The following SUPT3H variants were observed in gnomAD, a reference collection of about 807,000 sequenced individuals.
SUPT3H encodes the protein transcription initiation protein SPT3 homolog.
In SUPT3H, 44 loss-of-function variants were observed where a neutral mutation model predicts 44.3. That is an observed-to-expected ratio of 0.99 (90% CI 0.78 to 1.28). The LOEUF (loss-of-function observed/expected upper bound fraction) is 1.28. Among genes scored for constraint, SUPT3H ranks in the 50% most tolerant of loss-of-function variants. SUPT3H has a pLI of 0.00. For synonymous variants in SUPT3H, 124 were observed against 125.6 expected (o/e 0.99, Z 0.09); for missense variants, 380 against 387.1 (o/e 0.98, Z 0.15).
chr6:45,017,028 T>C (rs1256911454), intron 4 of SUPT3H, among the ~76,000 whole-genome samples: 10 of 151,316 alleles, frequency 6.6e-5, no homozygotes, highest in African/African-American at 7.3e-5. Flanking sequence ...TTTTTAATGA[T>C]TGCCATTCTA....
chr6:45,286,180 G>T (rs1439526851), intron 2 of SUPT3H, among the ~76,000 whole-genome samples: 1 of 150,826 alleles, frequency 6.6e-6, no homozygotes, highest in Non-Finnish European at 1.5e-5. Context: ...CAGGACATAG[G>T]CATGGGCCAG....
chr6:45,189,288 A>G (rs1562650504), intron 2 of SUPT3H, among the ~76,000 whole-genome samples: 1 of 152,200 alleles, frequency 6.6e-6, no homozygotes. Flanking sequence ...TCTCCTTACC[A>G]TGTTTATAAA....
At chr6:44,837,735 A>G (rs1398963138) in intron 10 of SUPT3H, among the ~76,000 whole-genome samples, 1 of 152,192 alleles carries the variant, frequency 6.6e-6, no homozygotes, top group African/African-American at 2.4e-5. Flanking sequence ...CTAAAACAAC[A>G]CTGTGAAATT....
chr6:45,098,991 C>T, intron 3 of SUPT3H: 1 of 404,378 alleles, frequency 2.5e-6, no homozygotes, highest in East Asian at 7.3e-5. Flanking sequence ...ACAGCCTATT[C>T]CAGCACTGCC....
intron 3 of SUPT3H, among the ~76,000 whole-genome samples, chr6:45,042,982 T>C (rs1163259125): frequency 2.0e-5 from 3 of 152,168 alleles, no homozygotes; most frequent in Admixed American, 6.5e-5. Context: ...CAACATTTTG[T>C]TCAAAGAAGG....
At chr6:45,301,224 G>A (rs756909169) in intron 2 of SUPT3H, among the ~76,000 whole-genome samples, 1 of 152,086 alleles carries the variant, frequency 6.6e-6, no homozygotes, top group Non-Finnish European at 1.5e-5. Context: ...GGTACTAACA[G>A]CATCTACTGC....
rs148702696 is a variant in SUPT3H, at chr6:45,043,220, A to T, written c.187-22588T>A. ...AGGCAAATTACAAAAAGAGTATAAA[A>T]TCTTTAACTTAATTAACACCTATTT... On this transcript the variant is annotated intron_variant, in intron 3 of 10. Coordinates refer to ENST00000371459, the MANE Select transcript of SUPT3H (RefSeq NM_003599.4). 3.0e-3 allele frequency among the ~76,000 whole-genome samples: 450 copies of T among 152,132 alleles called. 1 individual carries two copies. The highest frequency in any genetic ancestry group is 4.9e-3 in the Non-Finnish European group (331 of 67,972).
intron 3 of SUPT3H, among the ~76,000 whole-genome samples, chr6:45,072,279 A>G (rs1414432388): frequency 1.3e-5 from 2 of 152,182 alleles, no homozygotes; most frequent in Non-Finnish European, 2.9e-5. Flanking sequence ...TAAGATCACC[A>G]TTATTTTGGT....
At chr6:45,081,906 G>A (rs1009234174) in intron 3 of SUPT3H, among the ~76,000 whole-genome samples, 2 of 152,022 alleles carry the variant, frequency 1.3e-5, no homozygotes, top group African/African-American at 2.4e-5. Context: ...CTTTCACTCA[G>A]TTACATGAAA....
At chr6:45,344,858 T>C (rs954724449) in intron 2 of SUPT3H, among the ~76,000 whole-genome samples, 2 of 152,144 alleles carry the variant, frequency 1.3e-5, no homozygotes, top group Non-Finnish European at 2.9e-5. Context: ...AGGGAGACGG[T>C]AAAACTAATG....
chr6:44,825,710 T>C (rs1195776894), downstream of SUPT3H, among the ~76,000 whole-genome samples: 2 of 148,884 alleles, frequency 1.3e-5, no homozygotes, highest in Non-Finnish European at 2.9e-5. Flanking sequence ...ACACAATACA[T>C]CATCATTTTT....
intron 2 of SUPT3H, among the ~76,000 whole-genome samples, chr6:45,246,648 C>G (rs1243315832): frequency 6.6e-6 from 1 of 152,018 alleles, no homozygotes; most frequent in Non-Finnish European, 1.5e-5. Flanking sequence ...GTTCTCTGAC[C>G]ATAAATAACC....
At chr6:45,096,092 A>C (rs1797747381) in intron 3 of SUPT3H, among the ~76,000 whole-genome samples, 1 of 152,156 alleles carries the variant, frequency 6.6e-6, no homozygotes, top group Admixed American at 6.6e-5. Flanking sequence ...GATGCTTTAT[A>C]ACTACAGTAA....
intron 6 of SUPT3H, among the ~76,000 whole-genome samples, chr6:44,998,318 T>C (rs1042240148): frequency 1.3e-5 from 2 of 151,972 alleles, no homozygotes; most frequent in Non-Finnish European, 2.9e-5. Flanking sequence ...TATCCAGGTT[T>C]AGTACTTCCT....
intron 3 of SUPT3H, among the ~76,000 whole-genome samples, chr6:45,068,562 G>C (rs1252616969): frequency 1.3e-5 from 2 of 152,088 alleles, no homozygotes; most frequent in Non-Finnish European, 2.9e-5. Flanking sequence ...ATAGCAAGTT[G>C]ATTGAAAACA....
chr6:44,864,215 A>C (rs1161265178), intron 10 of SUPT3H, among the ~76,000 whole-genome samples: 3 of 152,254 alleles, frequency 2.0e-5, no homozygotes, highest in Non-Finnish European at 1.5e-5. Flanking sequence ...TAAAATCAAA[A>C]GCAAGTTAGT....
chr6:45,178,903 C>T (rs1352069667), intron 2 of SUPT3H, among the ~76,000 whole-genome samples: 9 of 151,310 alleles, frequency 5.9e-5, no homozygotes, highest in Admixed American at 1.3e-4. Flanking sequence ...ATCTCTGGGA[C>T]ACATTCAAAG....
chr6:45,175,320 T>C (rs1265266917), intron 2 of SUPT3H, among the ~76,000 whole-genome samples: 1 of 152,120 alleles, frequency 6.6e-6, no homozygotes, highest in African/African-American at 2.4e-5. Context: ...CAGTTCAGCA[T>C]GGCTGGGGAG....
intron 2 of SUPT3H, among the ~76,000 whole-genome samples, chr6:45,231,255 C>T (rs1351911884): frequency 6.6e-6 from 1 of 152,086 alleles, no homozygotes; most frequent in Non-Finnish European, 1.5e-5. Flanking sequence ...TTAGGACTCC[C>T]TTGAATATTT....
Sources: gnomAD v4.1 joint callset for allele counts (sites outside exome capture counted in the v4.1 genomes callset) on GRCh38, gnomAD v4.1.1 for gene constraint, MANE v1.5 for transcripts, NCBI Gene and HGNC (gene_info 2026-07-23, HGNC 2026-07-21) for gene names.